The following RANBP2 variants were observed in gnomAD, a reference collection of about 807,000 sequenced individuals.
RANBP2 encodes E3 SUMO-protein ligase RanBP2.
A neutral mutation model predicts 303.6 loss-of-function variants in RANBP2; 57 were observed. The ratio of observed to expected loss-of-function variants is 0.19; its 90% CI spans 0.15 to 0.23. The LOEUF (loss-of-function observed/expected upper bound fraction) is 0.23. RANBP2 is among the 10% of genes least tolerant of loss of function. The pLI is 1.00. For missense variants in RANBP2, 3,138 were observed against 3,780.8 expected (o/e 0.83, Z 4.46); for synonymous variants, 1,167 against 1,301.5 (o/e 0.90, Z 2.23).
chr2:109,734,639 G>A, the RANBP2 span, among the ~76,000 whole-genome samples: 1 of 151,832 alleles, frequency 6.6e-6, no homozygotes, highest in African/African-American at 2.4e-5. Flanking sequence ...TGGGGAAGCA[G>A]ATCCTCAAAT....
chr2:109,071,517 T>C, the RANBP2 span, among the ~76,000 whole-genome samples: 1 of 151,986 alleles, frequency 6.6e-6, no homozygotes, highest in African/African-American at 2.4e-5. Flanking sequence ...CTACTAAAAA[T>C]ACAAAAATTA....
chr2:109,094,573 T>A, the RANBP2 span, among the ~76,000 whole-genome samples: 2 of 152,224 alleles, frequency 1.3e-5, no homozygotes, highest in African/African-American at 4.8e-5. Flanking sequence ...CTCACACCTG[T>A]GTTCTCAGCA....
chr2:109,475,550 T>C, the RANBP2 span, among the ~76,000 whole-genome samples: 209 of 152,312 alleles, frequency 1.4e-3, 1 homozygote, highest in African/African-American at 4.9e-3. Context: ...GACAGGGACA[T>C]ATGCCACAGA....
At chr2:109,280,085 C>T in the RANBP2 span, among the ~76,000 whole-genome samples, 3 of 152,150 alleles carry the variant, frequency 2.0e-5, no homozygotes, top group Non-Finnish European at 2.9e-5. Flanking sequence ...ATCCCAGAGA[C>T]AACAGAGTTC....
intron 9 of RANBP2, among the ~76,000 whole-genome samples, chr2:108,750,161 T>G (rs1244134788): frequency 1.3e-5 from 2 of 152,244 alleles, no homozygotes; most frequent in African/African-American, 4.8e-5. Flanking sequence ...CAAAAAGTGT[T>G]GGAATTATAG....
chr2:109,202,083 A>G, the RANBP2 span, among the ~76,000 whole-genome samples: 2 of 152,370 alleles, frequency 1.3e-5, no homozygotes, highest in Middle Eastern at 3.4e-3. Context: ...CAGGAGGCAC[A>G]CAGCCTCCCC....
the RANBP2 span, among the ~76,000 whole-genome samples, chr2:109,638,174 G>A: frequency 2.0e-5 from 3 of 152,170 alleles, no homozygotes; most frequent in African/African-American, 7.2e-5. Flanking sequence ...GTTAACAGTT[G>A]GAAGCACGAT....
At chr2:108,876,209 G>A in the RANBP2 span, 1 of 1,612,588 alleles carries the variant, frequency 6.2e-7, no homozygotes, top group Admixed American at 1.7e-5. Context: ...GTTCAATCTG[G>A]GTTTAACAAA....
chr2:109,277,514 G>T, the RANBP2 span, among the ~76,000 whole-genome samples: 60 of 152,312 alleles, frequency 3.9e-4, no homozygotes, highest in African/African-American at 1.3e-3. Context: ...CGAGCAGTCC[G>T]TGGAATACCA....
At chr2:109,095,614 A>G in the RANBP2 span, among the ~76,000 whole-genome samples, 7 of 152,330 alleles carry the variant, frequency 4.6e-5, no homozygotes, top group East Asian at 9.7e-4. Context: ...AATTCTGAAC[A>G]TTAAAATGAA....
At chr2:109,231,157 C>A in the RANBP2 span, among the ~76,000 whole-genome samples, 1 of 152,218 alleles carries the variant, frequency 6.6e-6, no homozygotes, top group Non-Finnish European at 1.5e-5. Flanking sequence ...CCTCTCCTCC[C>A]GGAGCCAGGC....
chr2:108,838,585 T>C, the RANBP2 span, among the ~76,000 whole-genome samples: 1 of 152,140 alleles, frequency 6.6e-6, no homozygotes, highest in African/African-American at 2.4e-5. Context: ...CCTGAAATCA[T>C]TTAGCAAAAT....
the RANBP2 span, among the ~76,000 whole-genome samples, chr2:109,071,541 G>A: frequency 6.6e-6 from 1 of 152,092 alleles, no homozygotes; most frequent in Non-Finnish European, 1.5e-5. Context: ...GGGTGTGGTG[G>A]TGTGCACCTG....
At chr2:109,007,159 A>C in the RANBP2 span, among the ~76,000 whole-genome samples, 8 of 152,210 alleles carry the variant, frequency 5.3e-5, no homozygotes, top group Admixed American at 1.3e-4. Flanking sequence ...AACCGCAGAG[A>C]CTCAGGAAAG....
intron 23 of RANBP2, 42 bp downstream of exon 23, chr2:108,773,088 C>T (rs560174919): frequency 1.6e-5 from 25 of 1,540,902 alleles, no homozygotes; most frequent in Non-Finnish European, 2.1e-5. Context: ...GTTCCATTGC[C>T]TTTGTTGATG....
the RANBP2 span, chr2:108,846,690 T>A: frequency 5.3e-6 from 8 of 1,503,884 alleles, no homozygotes; most frequent in Non-Finnish European, 7.3e-6. Context: ...AAAAAAGATA[T>A]ATTCTGAACA....
chr2:109,654,197 A>G, the RANBP2 span, among the ~76,000 whole-genome samples: 71 of 152,064 alleles, frequency 4.7e-4, no homozygotes, highest in African/African-American at 1.6e-3. Flanking sequence ...CTCAATCTCC[A>G]GGTCCCACTA....
chr2:108,944,821 G>A, the RANBP2 span, among the ~76,000 whole-genome samples: 1,509 of 152,232 alleles, frequency 9.9e-3, 28 homozygotes, highest in African/African-American at 0.034. Context: ...AGAGCTGACC[G>A]CAGAGGCCAA....
intron 23 of RANBP2, among the ~76,000 whole-genome samples, chr2:108,773,609 T>C (rs568088570): frequency 2.6e-5 from 4 of 151,630 alleles, no homozygotes; most frequent in African/African-American, 9.7e-5. Context: ...AATTGATCTA[T>C]AGATTTAACA....
Sources: allele counts gnomAD v4.1 joint callset (sites outside exome capture counted in the v4.1 genomes callset), GRCh38; gene constraint gnomAD v4.1.1; transcripts MANE v1.5; gene names NCBI Gene and HGNC (gene_info 2026-07-23, HGNC 2026-07-21).